CNTNAP5: variants seen among roughly 807,000 people sequenced by gnomAD.
CNTNAP5 encodes contactin associated protein family member 5.
Under a neutral mutation model 150.2 loss-of-function variants are expected in CNTNAP5, and 72 were observed. The ratio of observed to expected loss-of-function variants is 0.48; its 90% CI spans 0.40 to 0.58. CNTNAP5 has a LOEUF of 0.58. Ranked by LOEUF, CNTNAP5 falls within the 20% of genes least tolerant of loss-of-function variation. The probability of loss-of-function intolerance (pLI) is 0.00; values close to 1 mark genes in which losing one functional copy is unlikely to be tolerated. For synonymous variants in CNTNAP5, 672 were observed against 619.8 expected, an observed-to-expected ratio of 1.08 and a Z score of -1.25; for missense variants, 1,636 against 1,626.2, an observed-to-expected ratio of 1.01 and a Z score of -0.10.
intron 10 of CNTNAP5, among the ~76,000 whole-genome samples, chr2:124,544,133 A>G (rs1327402519): frequency 6.6e-6 from 1 of 152,176 alleles, no homozygotes; most frequent in African/African-American, 2.4e-5. Flanking sequence ...GTTAAAAAAA[A>G]GTGCCCTTTG....
chr2:124,363,676 T>C (rs554652523), intron 3 of CNTNAP5, among the ~76,000 whole-genome samples: 1 of 152,280 alleles, frequency 6.6e-6, no homozygotes, highest in South Asian at 2.1e-4. Flanking sequence ...ACATTTTTGT[T>C]AAAAGGATAG....
intron 19 of CNTNAP5, among the ~76,000 whole-genome samples, chr2:124,818,745 GCAC>G (rs1682422566): frequency 6.6e-6 from 1 of 151,966 alleles, no homozygotes; most frequent in Non-Finnish European, 1.5e-5. Flanking sequence ...TCTCCATAGG[GCAC>G]CCAGAGCTAT....
chr2:124,177,917 T>G (rs12995937), intron 1 of CNTNAP5, among the ~76,000 whole-genome samples: 31,371 of 150,862 alleles, frequency 0.21, 3,431 homozygotes, highest in African/African-American at 0.24. Context: ...CATGGTCTCG[T>G]CTCACTGCAA....
intron 1 of CNTNAP5, among the ~76,000 whole-genome samples, chr2:124,090,492 T>C (rs1342154173): frequency 6.6e-6 from 1 of 152,222 alleles, no homozygotes; most frequent in Non-Finnish European, 1.5e-5. Flanking sequence ...AGCTCTTTTA[T>C]GTTTTATAAG....
At chr2:124,058,058 G>A (rs1681904594) in intron 1 of CNTNAP5, among the ~76,000 whole-genome samples, 2 of 152,054 alleles carry the variant, frequency 1.3e-5, no homozygotes, top group Non-Finnish European at 2.9e-5. Context: ...TATTTTAGTA[G>A]TTCCTGGTCA....
chr2:124,879,610 A>C (rs1367234746), intron 21 of CNTNAP5, among the ~76,000 whole-genome samples: 2 of 152,126 alleles, frequency 1.3e-5, no homozygotes, highest in Non-Finnish European at 2.9e-5. Flanking sequence ...TGGTTTCCTC[A>C]TCTGTAAAGT....
chr2:124,450,935 G>A (rs1448992079), intron 6 of CNTNAP5, among the ~76,000 whole-genome samples: 39 of 149,144 alleles, frequency 2.6e-4, no homozygotes, highest in African/African-American at 8.2e-4. Flanking sequence ...GGAGGCTGAG[G>A]AGGGAGGATG....
At chr2:124,094,543 T>C (rs1238226149) in intron 1 of CNTNAP5, among the ~76,000 whole-genome samples, 1 of 152,192 alleles carries the variant, frequency 6.6e-6, no homozygotes, top group Non-Finnish European at 1.5e-5. Flanking sequence ...TAAAATACAT[T>C]TGTCTAATAC....
intron 1 of CNTNAP5, among the ~76,000 whole-genome samples, chr2:124,162,783 A>G (rs1044508511): frequency 1.5e-4 from 23 of 152,164 alleles, no homozygotes. Context: ...ATGTGAATCA[A>G]TAACTATAAT....
At position 124,119,312 on chromosome 2, in the gene CNTNAP5, A is replaced by G. The variant is rs543300503; in HGVS notation, c.82+93580A>G. ...TTCTATTTTTTTAATTAGAATGAAC[A>G]TTTCTCTTTTTTTCTCTTTTTAGAA... is the stretch of plus-strand genomic sequence containing the variant. On this transcript the variant is annotated intron_variant, in intron 1 of 23. Coordinates refer to ENST00000682447, the MANE Select transcript of CNTNAP5 (RefSeq NM_001367498.1). 6.0e-5 allele frequency among the ~76,000 whole-genome samples: 8 copies of G among 133,562 alleles called. No individual in the cohort carries two copies. The South Asian group carries it at 1.9e-3, about 32-fold the overall frequency. 87.6% of individuals were successfully genotyped at this position (133,562 alleles called of 152,430 possible). A position where few individuals can be genotyped will look rare whatever the true frequency, so the allele number is the denominator to read the frequency against.
intron 1 of CNTNAP5, among the ~76,000 whole-genome samples, chr2:124,107,268 A>C (rs1392357612): frequency 2.0e-5 from 3 of 152,210 alleles, no homozygotes; most frequent in African/African-American, 7.2e-5. Flanking sequence ...ATTGGAAACC[A>C]CTGCGTCTAT....
intron 3 of CNTNAP5, among the ~76,000 whole-genome samples, chr2:124,258,575 A>G (rs1367876227): frequency 6.6e-6 from 1 of 152,190 alleles, no homozygotes. Context: ...CATGTTTAAG[A>G]AAGTACAAGT....
At chr2:124,727,788 T>G (rs1209593359) in intron 13 of CNTNAP5, among the ~76,000 whole-genome samples, 1 of 152,028 alleles carries the variant, frequency 6.6e-6, no homozygotes, top group African/African-American at 2.4e-5. Context: ...TTTTGGATGT[T>G]TTTATTTCTT....
intron 3 of CNTNAP5, among the ~76,000 whole-genome samples, chr2:124,344,487 A>G (rs1689692652): frequency 6.6e-6 from 1 of 152,192 alleles, no homozygotes. Flanking sequence ...TCCAAAACCT[A>G]GGTCAGGTGC....
intron 19 of CNTNAP5, among the ~76,000 whole-genome samples, chr2:124,836,834 A>G (rs969504967): frequency 4.6e-5 from 7 of 152,140 alleles, no homozygotes; most frequent in African/African-American, 1.7e-4. Context: ...AATTATACAC[A>G]TACCTCGTGT....
chr2:124,469,154 A>G (rs1203901280), intron 6 of CNTNAP5, among the ~76,000 whole-genome samples: 1 of 152,222 alleles, frequency 6.6e-6, no homozygotes, highest in Non-Finnish European at 1.5e-5. Context: ...ACTGCCTCTG[A>G]AAATCTTCCA....
chr2:124,737,986 A>G (rs868612368), intron 13 of CNTNAP5, among the ~76,000 whole-genome samples: 2 of 152,224 alleles, frequency 1.3e-5, no homozygotes, highest in Non-Finnish European at 2.9e-5. Context: ...TTTTATTAGT[A>G]TCATGAGTCT....
At chr2:124,057,272 T>G (rs149650056) in intron 1 of CNTNAP5, among the ~76,000 whole-genome samples, 1 of 136,832 alleles carries the variant, frequency 7.3e-6, no homozygotes, top group Admixed American at 8.2e-5. Flanking sequence ...TCGAATAAAT[T>G]AACAAGTCCA....
rs773628692 is a variant in CNTNAP5 at position 124,772,813 on chromosome 2, A to C, written c.2548A>C (p.Thr850Pro). Reference sequence around the variant, plus strand: ...TCCGGTTTCAGCTCCTTCAGAGATCACCTTTGCCATCGATGTTGGGAATGG... The same window carrying C: ...TCCGGTTTCAGCTCCTTCAGAGATCCCCTTTGCCATCGATGTTGGGAATGG... ...RLEISSPSEI[T>P]FAIDVGNGPV... The change falls in exon 17 of 24, where the codon ACC becomes CCC. Residue 850 changes from threonine (T) to proline (P), a missense_variant. Physicochemically the swap from Thr to Pro is conservative, Grantham distance 38. Coordinates refer to ENST00000682447, the MANE Select transcript of CNTNAP5 (RefSeq NM_001367498.1). The C allele has an allele frequency of 6.2e-7, 1 of 1,613,522 alleles. No homozygotes were observed. The highest frequency in any genetic ancestry group is 2.2e-5 in the East Asian group (1 of 44,844).
Sources: allele counts gnomAD v4.1 joint callset (sites outside exome capture counted in the v4.1 genomes callset), GRCh38; gene constraint gnomAD v4.1.1; transcripts MANE v1.5; gene names NCBI Gene and HGNC (gene_info 2026-07-23, HGNC 2026-07-21).